Variants in SSC5D observed in about 807,000 individuals in gnomAD.
SSC5D encodes scavenger receptor cysteine rich family member with 5 domains, also known as soluble scavenger receptor cysteine-rich domain-containing protein SSC5D.
SSC5D carries 106 observed loss-of-function variants against 104.6 expected under a neutral mutation model. That is an observed-to-expected ratio of 1.01 (90% CI 0.87 to 1.19). The LOEUF is 1.19. Among genes scored for constraint, SSC5D ranks in the 50% most tolerant of loss-of-function variants. SSC5D has a pLI of 0.00. For synonymous variants in SSC5D, 860 were observed against 883.5 expected (o/e 0.97, Z 0.47); for missense variants, 1,993 against 2,153.8 (o/e 0.93, Z 1.48).
rs116162929 is a variant in SSC5D, at chr19:55,495,083, C to T, written c.1387+300C>T. On this transcript the variant is annotated intron_variant, in intron 8 of 13. Coordinates refer to ENST00000389623, the MANE Select transcript of SSC5D (RefSeq NM_001144950.2). ...GAGTCTGCTCTATTCCCAAGCTGCA[C>T]GGTGTGGCTGTAGGATCCATCATGG... 4.3e-3 allele frequency among the ~76,000 whole-genome samples: 646 copies of T among 151,274 alleles called. 1 individual carries two copies. Among genetic ancestry groups the T allele is most frequent in the African/African-American group, 0.015 (611 of 41,272 alleles).
rs1298878021 is a variant in SSC5D, at chr19:55,517,594, G to A, written c.3318G>A (p.Ser1106=). Residue 1106 remains serine (S), a synonymous_variant, in exon 14 of 14, where the codon TCG becomes TCA. Coordinates refer to ENST00000389623, the MANE Select transcript of SSC5D (RefSeq NM_001144950.2). The part of the protein sequence containing the change: ...KELTSDPSTP[S]EVTSLSPTSE... Reference sequence around the variant, plus strand: ...TGACCTCTGACCCTTCTACACCGTCGGAGGTGACCAGCCTTTCCCCTACCT... The same window carrying A: ...TGACCTCTGACCCTTCTACACCGTCAGAGGTGACCAGCCTTTCCCCTACCT... The A allele has an allele frequency of 3.2e-6, 5 of 1,551,222 alleles. No individual in the cohort carries two copies. The highest frequency in any genetic ancestry group is 2.0e-5 in the Admixed American group (1 of 50,916).
At chr19:55,506,047 GT>G (rs1987628558) in intron 12 of SSC5D, among the ~76,000 whole-genome samples, 1 of 151,750 alleles carries the variant, frequency 6.6e-6, no homozygotes, top group Non-Finnish European at 1.5e-5. Flanking sequence ...AGTTCTCTGA[GT>G]TTAAGGACTT....
chr19:55,501,791 C>T (rs1032108628), intron 12 of SSC5D, among the ~76,000 whole-genome samples: 3 of 152,212 alleles, frequency 2.0e-5, no homozygotes, highest in African/African-American at 7.2e-5. Flanking sequence ...TCACTGTCAC[C>T]ACATTCTTCT....
At position 55,500,562 on chromosome 19, in the gene SSC5D, G is replaced by T. The variant is rs546865552; in HGVS notation, c.2375G>T (p.Arg792Leu). ...AGRLEVWHAG[R>L]WGTVCDDNWD... ...CGGCTGGAAGTGTGGCATGCCGGACGCTGGGGAACAGTGTGTGATGACAAC... is the reference window on the plus strand; with the variant it reads ...CGGCTGGAAGTGTGGCATGCCGGACTCTGGGGAACAGTGTGTGATGACAAC... The change falls in exon 11 of 14, where the codon CGC becomes CTC. Residue 792 changes from arginine (R) to leucine (L), a missense_variant. This residue lies in a region of SSC5D where 70 missense variants were observed against 107.1 expected (regional missense o/e 0.65). Transcript: ENST00000389623. This position sits in a 1 kb window ranked among gnomAD's most constrained non-coding sequence, Gnocchi z 4.6. 8 of 1,551,710 alleles carry T rather than the reference G, an allele frequency of 5.2e-6. No individual in the cohort carries two copies. In the African/African-American group the frequency reaches 1.1e-4, roughly 21 times the overall value.
intron 13 of SSC5D, among the ~76,000 whole-genome samples, chr19:55,515,920 G>C (rs1987862020): frequency 6.6e-6 from 1 of 152,000 alleles, no homozygotes; most frequent in Non-Finnish European, 1.5e-5. Flanking sequence ...AACAACTTGG[G>C]TTCAAGTCTT....
intron 12 of SSC5D, among the ~76,000 whole-genome samples, chr19:55,509,020 C>G (rs1568483046): frequency 6.6e-6 from 1 of 152,164 alleles, no homozygotes; most frequent in Non-Finnish European, 1.5e-5. Flanking sequence ...TGAATAAAGG[C>G]TTGCCAGGGA....
chr19:55,496,053 TTG>T (rs1425612965), intron 8 of SSC5D, among the ~76,000 whole-genome samples: 1 of 152,074 alleles, frequency 6.6e-6, no homozygotes, highest in Non-Finnish European at 1.5e-5. Context: ...GGGGTCTTTC[TTG>T]TGTTTTTTGC....
chr19:55,497,963 G>A lies in SSC5D; in HGVS notation c.1471G>A (p.Val491Met), dbSNP rs1987368756. 9 of 1,551,856 alleles carry A rather than the reference G, an allele frequency of 5.8e-6. No individual in the cohort carries two copies. The highest frequency in any genetic ancestry group is 1.2e-5 in the South Asian group (1 of 84,062). The change falls in exon 9 of 14, where the codon GTG (valine) becomes ATG (methionine). Residue 491 changes from valine to methionine, a missense_variant. Transcript: ENST00000389623. Reference protein sequence around the residue: ...EVWHDQRWGTVCDDSWDMRDS... With the variant: ...EVWHDQRWGTMCDDSWDMRDS... ...GTGGCATGACCAGCGCTGGGGGACC[G>A]TGTGTGACGATAGCTGGGACATGCG...
rs187802811 is a variant in SSC5D, at chr19:55,514,473, C to T, written c.2947+1301C>T. Among the ~76,000 whole-genome samples, 15 of 146,488 alleles carry T rather than the reference C, an allele frequency of 1.0e-4. No individual in the cohort carries two copies. The East Asian group carries it at 2.2e-3, about 21-fold the overall frequency. On this transcript the variant is annotated intron_variant, in intron 13 of 13. Transcript: ENST00000389623. ...TAATAATAATAGGTGTGGTGGCAGG[C>T]GCCTGTAATCCCAGCTACTCGGGAG... is the stretch of plus-strand genomic sequence containing the variant.
At chr19:55,495,543 G>C (rs928771313) in intron 8 of SSC5D, among the ~76,000 whole-genome samples, 3 of 150,706 alleles carry the variant, frequency 2.0e-5, no homozygotes, top group Admixed American at 6.6e-5. Context: ...TCTTTCATGA[G>C]TATTGAAAGG....
chr19:55,493,994 G>GGGGGGGGGGGGGGGGC lies in SSC5D; in HGVS notation c.1213+82_1213+83insGGGGGGGGGGGGGGGC. The GGGGGGGGGGGGGGGGC allele has an allele frequency of 3.5e-5, 5 of 143,314 alleles. 1 individual carries two copies. The highest frequency in any genetic ancestry group is 7.8e-5 in the South Asian group (1 of 12,758). The allele number at this position is 143,314 out of a possible 1,614,324, so 8.9% of individuals were successfully genotyped here. A position where few individuals can be genotyped will look rare whatever the true frequency, so the allele number is the denominator to read the frequency against. On this transcript the variant is annotated intron_variant, in intron 7 of 13. Transcript: ENST00000389623. ...GGGCAAGTTCGGCGGGGGCGGGGGG[G>GGGGGGGGGGGGGGGGC]TCCCTACGCGCCCTTCCTGCCCTCT...
In SSC5D at chr19:55,517,613, C is replaced by G. The variant is rs1248675091; in HGVS notation, c.3337C>G (p.Pro1113Ala). Residue 1113 changes from proline (P) to alanine (A), a missense_variant, in exon 14 of 14, where the codon CCT (proline) becomes GCT (alanine). Coordinates refer to ENST00000389623, the MANE Select transcript of SSC5D (RefSeq NM_001144950.2). ...ACCGTCGGAGGTGACCAGCCTTTCCCCTACCTCAGAGCAGGTCCCAGAATC... is the reference window on the plus strand; with the variant it reads ...ACCGTCGGAGGTGACCAGCCTTTCCGCTACCTCAGAGCAGGTCCCAGAATC... The part of the protein sequence containing the change: ...STPSEVTSLS[P>A]TSEQVPESDT... 6.4e-7 allele frequency: 1 copy of G among 1,551,722 alleles called. No individual in the cohort carries two copies. Among genetic ancestry groups the G allele is most frequent in the Admixed American group, 2.0e-5 (1 of 50,960 alleles).
At chr19:55,492,820 G>A (rs1451535256) in intron 6 of SSC5D, 1 of 151,568 alleles carries the variant, frequency 6.6e-6, no homozygotes, top group African/African-American at 2.4e-5. Context: ...AGGAGTTCAA[G>A]ACCAGTCTGG....
At position 55,513,166 on chromosome 19, in the gene SSC5D, G is replaced by A; in HGVS notation, c.2941G>A (p.Asp981Asn). 6.7e-7 allele frequency: 1 copy of A among 1,500,552 alleles called. No individual in the cohort carries two copies. The highest frequency in any genetic ancestry group is 2.5e-5 in the East Asian group (1 of 40,424). 93.0% of individuals were successfully genotyped at this position (1,500,552 alleles called of 1,614,324 possible). Residue 981 changes from aspartate (D) to asparagine (N), a missense_variant, in exon 13 of 14, where the codon GAC becomes AAC. By Grantham distance (23) the Asp-to-Asn change is conservative. Transcript: ENST00000389623. ...GSPPTLRVHG[D>N]TGSPRKPWPE... ...TCCTCCAACTCTGAGAGTCCATGGA[G>A]ACACAGGTGAGACACGTGGCTGGGG...
chr19:55,490,279 T>C lies in SSC5D; in HGVS notation c.476-19T>C. Reference sequence around the variant, plus strand: ...GATGAGGGGCTCAGCTCCTGACCCCTGGCTGTCTCCACTCCCAGCCCCCCG... The same window carrying C: ...GATGAGGGGCTCAGCTCCTGACCCCCGGCTGTCTCCACTCCCAGCCCCCCG... On this transcript the variant is annotated intron_variant, in intron 4 of 13. Coordinates refer to ENST00000389623, the MANE Select transcript of SSC5D (RefSeq NM_001144950.2). The C allele has an allele frequency of 1.3e-6, 1 of 764,968 alleles. No individual in the cohort carries two copies. The allele number at this position is 764,968 out of a possible 1,614,324, so 47.4% of individuals were successfully genotyped here. A position where few individuals can be genotyped will look rare whatever the true frequency, so the allele number is the denominator to read the frequency against.
intron 12 of SSC5D, among the ~76,000 whole-genome samples, chr19:55,502,989 T>C (rs1350196046): frequency 6.6e-6 from 1 of 152,200 alleles, no homozygotes; most frequent in Non-Finnish European, 1.5e-5. Context: ...CTAATTTTTG[T>C]ATTTTTAGTA....
rs769215020 is a variant in SSC5D, at chr19:55,500,405, G to A, written c.2295G>A (p.Gly765=). Residue 765 remains glycine, a synonymous_variant, in exon 10 of 14, where the codon GGG becomes GGA. Transcript: ENST00000389623. This position sits in a 1 kb window ranked among gnomAD's most constrained non-coding sequence, Gnocchi z 4.6. ...CCTCTCCCAGTGTTAGCACCACTGG[G>A]GAATCAGGTGAGTGGCCGTGAGGGG... is the stretch of plus-strand genomic sequence containing the variant. ...PAPSPSVSTT[G]ESGLFRVRLA... 34 of 1,550,296 alleles carry A rather than the reference G, an allele frequency of 2.2e-5. No homozygotes were observed. Among genetic ancestry groups the A allele is most frequent in the Middle Eastern group, 1.7e-4 (1 of 6,008 alleles).
At chr19:55,498,260 C>T in intron 9 of SSC5D, 63 bp downstream of exon 9, 1 of 1,505,392 alleles carries the variant, frequency 6.6e-7, no homozygotes, top group Admixed American at 2.0e-5. Context: ...CAGTAACTAA[C>T]ATGGGCACTA....
Position 55,489,391 on chromosome 19 carries a change from T to C in SSC5D, c.90T>C (p.Ala30=), listed in dbSNP as rs1406396179. The C allele has an allele frequency of 3.4e-6, 5 of 1,482,910 alleles. No homozygotes were observed. The highest frequency in any genetic ancestry group is 4.4e-6 in the Non-Finnish European group (5 of 1,123,922). 91.9% of individuals were successfully genotyped at this position (1,482,910 alleles called of 1,614,324 possible). Residue 30 remains alanine (A), a synonymous_variant, in exon 3 of 14, where the codon GCT becomes GCC. Coordinates refer to ENST00000389623, the MANE Select transcript of SSC5D (RefSeq NM_001144950.2). ...TGGCCGATGGCCCCCATGGGTGCGC[T>C]GGCCGCCTGGAGGTCTGGCATGGCG... ...LRLADGPHGC[A]GRLEVWHGGR...
Sources: gnomAD v4.1 joint callset for allele counts (sites outside exome capture counted in the v4.1 genomes callset) on GRCh38, gnomAD v4.1.1 for gene constraint, gnomAD v4.1.1 regional missense constraint, Gnocchi (gnomAD v3.1) non-coding constraint, MANE v1.5 for transcripts, NCBI Gene and HGNC (gene_info 2026-07-23, HGNC 2026-07-21) for gene names.